Variants in ADAM22 observed in about 807,000 individuals in gnomAD.
The protein encoded by ADAM22 is disintegrin and metalloproteinase domain-containing protein 22.
Under a neutral mutation model 144.6 loss-of-function variants are expected in ADAM22, and 65 were observed. The ratio of observed to expected loss-of-function variants is 0.45; its 90% CI spans 0.37 to 0.55. The LOEUF (loss-of-function observed/expected upper bound fraction) is 0.55. Among genes scored for constraint, ADAM22 ranks in the 20% least tolerant of loss-of-function variants. The probability of loss-of-function intolerance (pLI) is 0.00; values close to 1 mark genes in which losing one functional copy is unlikely to be tolerated. For missense variants in ADAM22, 974 were observed against 1,184.9 expected, an observed-to-expected ratio of 0.82 and a Z score of 2.61; for synonymous variants, 391 against 412.6, an observed-to-expected ratio of 0.95 and a Z score of 0.63.
At chr7:87,953,831 T>G (rs1845892536) in intron 2 of ADAM22, among the ~76,000 whole-genome samples, 2 of 152,204 alleles carry the variant, frequency 1.3e-5, no homozygotes, top group African/African-American at 4.8e-5. Context: ...TGCTCCTGTT[T>G]TGGGTGCATA....
At chr7:87,980,838 G>A (rs1422059824) in intron 3 of ADAM22, among the ~76,000 whole-genome samples, 4 of 152,080 alleles carry the variant, frequency 2.6e-5, no homozygotes, top group African/African-American at 4.8e-5. Flanking sequence ...TTTCTTCATG[G>A]GGTCGTAGTT....
rs993467208 is a variant in ADAM22, at chr7:88,002,408, C to G, written c.323+23996C>G. Among the ~76,000 whole-genome samples, 7 of 152,118 alleles carry G rather than the reference C, an allele frequency of 4.6e-5. No individual in the cohort carries two copies. In the East Asian group the frequency reaches 1.4e-3, roughly 29 times the overall value. ...TTGGCTGAGACTGGGTGCACGCACA[C>G]TGGGAGCTGGGTGTGGAATCCATCC... is the stretch of plus-strand genomic sequence containing the variant. On this transcript the variant is annotated intron_variant, in intron 3 of 31. Transcript: ENST00000413139.
At chr7:88,147,385 G>C (rs1352302799) in intron 17 of ADAM22, among the ~76,000 whole-genome samples, 1 of 152,226 alleles carries the variant, frequency 6.6e-6, no homozygotes, top group Non-Finnish European at 1.5e-5. Flanking sequence ...CTATAAGCCA[G>C]CATTGGCATG....
chr7:87,939,936 G>A (rs1271770939), intron 2 of ADAM22, among the ~76,000 whole-genome samples: 1 of 152,126 alleles, frequency 6.6e-6, no homozygotes, highest in Non-Finnish European at 1.5e-5. Flanking sequence ...GCCCACACCT[G>A]TAATCCCAGC....
At chr7:87,995,887 A>G (rs1412308274) in intron 3 of ADAM22, among the ~76,000 whole-genome samples, 1 of 152,256 alleles carries the variant, frequency 6.6e-6, no homozygotes, top group East Asian at 1.9e-4. Context: ...TAAAGATAGT[A>G]TCTTCTGGAT....
At chr7:88,082,680 T>C (rs1293018015) in intron 4 of ADAM22, among the ~76,000 whole-genome samples, 3 of 152,034 alleles carry the variant, frequency 2.0e-5, no homozygotes, top group East Asian at 3.9e-4. Flanking sequence ...TTGCAAAGGA[T>C]ATGAACAGAC....
intron 5 of ADAM22, among the ~76,000 whole-genome samples, chr7:88,113,740 A>ATATATG (rs1228817217): frequency 1.3e-4 from 16 of 125,580 alleles, no homozygotes; most frequent in Non-Finnish European, 2.3e-4. Flanking sequence ...ATATATATAT[A>ATATATG]GTAAGTCCTA....
At chr7:87,948,234 T>C (rs1844192927) in intron 2 of ADAM22, among the ~76,000 whole-genome samples, 1 of 152,210 alleles carries the variant, frequency 6.6e-6, no homozygotes, top group African/African-American at 2.4e-5. Flanking sequence ...AAAACAAGTC[T>C]CTGAAAGGTT....
At chr7:88,071,861 TTAATA>T (rs1812914318) in intron 3 of ADAM22, among the ~76,000 whole-genome samples, 1 of 152,162 alleles carries the variant, frequency 6.6e-6, no homozygotes, top group Non-Finnish European at 1.5e-5. Context: ...CCCATTTACA[TTAATA>T]TAAAATTTCC....
intron 3 of ADAM22, among the ~76,000 whole-genome samples, chr7:88,025,366 C>A (rs762515131): frequency 6.6e-6 from 1 of 152,168 alleles, no homozygotes; most frequent in African/African-American, 2.4e-5. Flanking sequence ...TGTGCAGAAG[C>A]TTTTTAACTT....
chr7:88,186,835 C>T (rs1848433781), intron 30 of ADAM22, 134 bp downstream of exon 30: 1 of 606,684 alleles, frequency 1.6e-6, no homozygotes, highest in East Asian at 2.9e-5. Context: ...TGTTTATTTG[C>T]TGCCTTTTGA....
intron 2 of ADAM22, among the ~76,000 whole-genome samples, chr7:87,942,427 C>G (rs1043067575): frequency 6.6e-6 from 1 of 152,100 alleles, no homozygotes; most frequent in Non-Finnish European, 1.5e-5. Context: ...TCAGCTCCAC[C>G]GCACTGCCTA....
intron 3 of ADAM22, among the ~76,000 whole-genome samples, chr7:88,072,725 C>T (rs552008711): frequency 6.6e-6 from 1 of 152,272 alleles, no homozygotes; most frequent in African/African-American, 2.4e-5. Context: ...TTCAGATTCC[C>T]AGGAGAGGGA....
Position 88,136,013 on chromosome 7 carries a change from G to A in ADAM22, c.1202G>A (p.Cys401Tyr), listed in dbSNP as rs747259064. The change falls in exon 14 of 32, where the codon TGC becomes TAC. Residue 401 changes from cysteine to tyrosine, a missense_variant. Physicochemically the swap from Cys to Tyr is radical, Grantham distance 194 (BLOSUM62 -2). Transcript: ENST00000413139. ...ECKCEDTWSG[C>Y]IMGDTGYYLP... ...AAATGCGAGGACACGTGGTCCGGGTGCATAATGGGAGACACTGGGTGAGCC... is the reference window on the plus strand; with the variant it reads ...AAATGCGAGGACACGTGGTCCGGGTACATAATGGGAGACACTGGGTGAGCC... The A allele has an allele frequency of 1.9e-6, 3 of 1,612,018 alleles. No homozygotes were observed.
chr7:88,171,440 T>G, intron 25 of ADAM22, 104 bp from the exon 26 acceptor site: 1 of 1,053,956 alleles, frequency 9.5e-7, no homozygotes, highest in South Asian at 1.6e-5. Flanking sequence ...TGAAGACTTT[T>G]CAATGAAAGC....
intron 22 of ADAM22, among the ~76,000 whole-genome samples, chr7:88,158,451 T>TA (rs1308654489): frequency 6.6e-6 from 1 of 152,116 alleles, no homozygotes; most frequent in Non-Finnish European, 1.5e-5. Context: ...ACAGTATATA[T>TA]TCTTCTAATC....
At chr7:88,040,107 C>T (rs1802735311) in intron 3 of ADAM22, among the ~76,000 whole-genome samples, 1 of 151,826 alleles carries the variant, frequency 6.6e-6, no homozygotes, top group Non-Finnish European at 1.5e-5. Context: ...TCAGTTATCA[C>T]TTCAAGATCA....
At chr7:88,064,766 G>GCCTCA (rs895462718) in intron 3 of ADAM22, among the ~76,000 whole-genome samples, 2 of 152,040 alleles carry the variant, frequency 1.3e-5, no homozygotes, top group African/African-American at 2.4e-5. Context: ...CCTCCCAAAG[G>GCCTCA]CCTCACCTCT....
In ADAM22 at chr7:88,060,461, G is replaced by C. The variant is rs1410426991; in HGVS notation, c.324-15165G>C. On this transcript the variant is annotated intron_variant, in intron 3 of 31. Transcript: ENST00000413139. ...GTTCACAACATTTTCACCAGGAGTA[G>C]ATTCTGCCTTAAAAATACACTGTTT... Among the ~76,000 whole-genome samples the C allele has an allele frequency of 4.6e-5, 7 of 152,130 alleles. No homozygotes were observed. In the East Asian group the frequency reaches 1.2e-3, roughly 25 times the overall value.
Sources: allele counts gnomAD v4.1 joint callset (sites outside exome capture counted in the v4.1 genomes callset), GRCh38; gene constraint gnomAD v4.1.1; transcripts MANE v1.5; gene names NCBI Gene and HGNC (gene_info 2026-07-23, HGNC 2026-07-21).